The following MALRD1 variants were observed in gnomAD, a reference collection of about 807,000 sequenced individuals.
The protein encoded by MALRD1 is MAM and LDL receptor class A domain containing 1, also known as MAM and LDL-receptor class A domain-containing protein 1.
MALRD1 carries 247 observed loss-of-function variants against 242.1 expected under a neutral mutation model. The ratio of observed to expected loss-of-function variants is 1.02; its 90% confidence interval spans 0.92 to 1.13. The LOEUF (loss-of-function observed/expected upper bound fraction) is 1.13. Among genes scored for constraint, MALRD1 ranks in the 50% most tolerant of loss-of-function variants. MALRD1 has a pLI of 0.00. For missense variants in MALRD1, 2,989 were observed against 2,533.1 expected (o/e 1.18, Z -3.86); for synonymous variants, 995 against 866.6 (o/e 1.15, Z -2.60).
intron 28 of MALRD1, among the ~76,000 whole-genome samples, chr10:19,395,328 G>A (rs1589016746): frequency 6.6e-6 from 1 of 152,248 alleles, no homozygotes; most frequent in Admixed American, 6.5e-5. Flanking sequence ...TACATTTTTA[G>A]GTAGACATGA....
In MALRD1 at chr10:19,595,242, G is replaced by T. The variant is rs1432674284; in HGVS notation, c.5729G>T (p.Cys1910Phe). The T allele has an allele frequency of 6.5e-7, 1 of 1,550,274 alleles. No individual in the cohort carries two copies. Among genetic ancestry groups the T allele is most frequent in the South Asian group, 1.2e-5 (1 of 84,042 alleles). ...PSPCEADQFS[C>F]IYTLQCVPLS... ...CCCTGTGAAGCTGATCAGTTTTCTT[G>T]TATCTACACACTCCAATGTGTCCCT... Residue 1910 changes from cysteine (C) to phenylalanine (F), a missense_variant, in exon 34 of 40, where the codon TGT (cysteine) becomes TTT (phenylalanine). Transcript: ENST00000454679.
chr10:19,351,696 T>A (rs1844383484), intron 25 of MALRD1, among the ~76,000 whole-genome samples: 1 of 152,230 alleles, frequency 6.6e-6, no homozygotes, highest in South Asian at 2.1e-4. Context: ...CCTTTGACAA[T>A]GGGCTCTAAG....
At chr10:19,729,721 CTTTTTTTTTTTTTT>C (rs35279728) in intron 38 of MALRD1, among the ~76,000 whole-genome samples, 4 of 40,696 alleles carry the variant, frequency 9.8e-5, no homozygotes, top group South Asian at 2.5e-3. Flanking sequence ...TCTATTAATT[CTTTTTTTTTTTTTT>C]TTTTTTTTTT....
chr10:19,185,239 A>G (rs1207770223), intron 14 of MALRD1, among the ~76,000 whole-genome samples: 1 of 152,232 alleles, frequency 6.6e-6, no homozygotes, highest in East Asian at 1.9e-4. Context: ...TAGGCAAGAA[A>G]GCCAAAATTT....
chr10:19,339,805 C>T (rs1345506416), intron 24 of MALRD1, among the ~76,000 whole-genome samples: 1 of 152,046 alleles, frequency 6.6e-6, no homozygotes. Flanking sequence ...TTCATTCTCA[C>T]GCTGCTATAA....
At chr10:19,278,487 ATCCATCCATCCATCTG>A (rs1840645956) in intron 19 of MALRD1, among the ~76,000 whole-genome samples, 1 of 151,544 alleles carries the variant, frequency 6.6e-6, no homozygotes, top group Non-Finnish European at 1.5e-5. Flanking sequence ...CCATCCATCT[ATCCATCCATCCATCTG>A]TCCATCTATC....
chr10:19,384,605 G>C (rs1244917663), intron 26 of MALRD1, among the ~76,000 whole-genome samples: 1 of 120,692 alleles, frequency 8.3e-6, no homozygotes, highest in Non-Finnish European at 1.6e-5. Context: ...ATAATATATA[G>C]TATATATAAT....
chr10:19,291,767 C>G (rs950030236), intron 21 of MALRD1, among the ~76,000 whole-genome samples: 4 of 151,112 alleles, frequency 2.6e-5, no homozygotes, highest in Non-Finnish European at 4.4e-5. Flanking sequence ...AGAAAAATTG[C>G]TCTAAGGTCC....
intron 19 of MALRD1, among the ~76,000 whole-genome samples, chr10:19,262,172 C>A (rs763852469): frequency 7.9e-5 from 12 of 151,906 alleles, no homozygotes; most frequent in Non-Finnish European, 1.5e-4. Flanking sequence ...TGTTTCAATA[C>A]TTTTATAATA....
At position 19,633,771 on chromosome 10, in the gene MALRD1, G is replaced by A. The variant is rs936003282; in HGVS notation, c.6137+17848G>A. ...GCTTAGCTTTGACAAGACCAGATGA[G>A]ATCAGACATTCAAACACATTCAGGA... On this transcript the variant is annotated intron_variant, in intron 36 of 39. Coordinates refer to ENST00000454679, the MANE Select transcript of MALRD1 (RefSeq NM_001142308.3). 7 of 151,398 alleles carry A rather than the reference G, an allele frequency of 4.6e-5. 1 individual carries two copies. The highest frequency in any genetic ancestry group is 4.6e-4 in the Admixed American group (7 of 15,192). The allele number at this position is 151,398 out of a possible 1,614,324, so 9.4% of individuals were successfully genotyped here. A position where few individuals can be genotyped will look rare whatever the true frequency, so the allele number is the denominator to read the frequency against.
intron 29 of MALRD1, among the ~76,000 whole-genome samples, chr10:19,468,653 C>T (rs1481116587): frequency 1.3e-5 from 2 of 151,830 alleles, no homozygotes; most frequent in Non-Finnish European, 2.9e-5. Flanking sequence ...ATATCTGAAA[C>T]AGACTGTAAG....
At chr10:19,329,906 T>C (rs1461619458) in intron 23 of MALRD1, among the ~76,000 whole-genome samples, 4 of 152,192 alleles carry the variant, frequency 2.6e-5, no homozygotes, top group Non-Finnish European at 4.4e-5. Flanking sequence ...TATCTGAGAT[T>C]GTACCTATAT....
intron 33 of MALRD1, among the ~76,000 whole-genome samples, chr10:19,588,654 G>T (rs1172262338): frequency 2.0e-5 from 3 of 152,072 alleles, no homozygotes; most frequent in African/African-American, 7.2e-5. Context: ...ATTTACTCAT[G>T]TATGTAGAGA....
chr10:19,135,400 C>A (rs149081269), intron 9 of MALRD1, among the ~76,000 whole-genome samples: 2,437 of 152,256 alleles, frequency 0.016, 67 homozygotes, highest in African/African-American at 0.056. Context: ...AGTGATCCAC[C>A]TCCTTGGCCT....
chr10:19,330,321 A>G (rs1157912473), intron 23 of MALRD1, among the ~76,000 whole-genome samples: 1 of 151,956 alleles, frequency 6.6e-6, no homozygotes, highest in Non-Finnish European at 1.5e-5. Flanking sequence ...TTCACACAAT[A>G]GTATAAAGAC....
intron 28 of MALRD1, among the ~76,000 whole-genome samples, chr10:19,434,537 C>T (rs1834272619): frequency 6.6e-6 from 1 of 151,778 alleles, no homozygotes; most frequent in East Asian, 1.9e-4. Flanking sequence ...TTCTATTACT[C>T]AATTTTTTCC....
At chr10:19,138,809 G>A (rs761324479) in intron 10 of MALRD1, among the ~76,000 whole-genome samples, 3 of 151,998 alleles carry the variant, frequency 2.0e-5, no homozygotes, top group Non-Finnish European at 4.4e-5. Flanking sequence ...AAATTGTTTA[G>A]CATTTGATTT....
At chr10:19,163,940 G>C (rs72790787) in intron 12 of MALRD1, among the ~76,000 whole-genome samples, 1 of 152,116 alleles carries the variant, frequency 6.6e-6, no homozygotes, top group African/African-American at 2.4e-5. Flanking sequence ...TGACAGCTCA[G>C]AATTCTGATG....
intron 38 of MALRD1, among the ~76,000 whole-genome samples, chr10:19,719,244 A>ACATACATACATATATATATGTG: frequency 1.0e-5 from 1 of 96,936 alleles, no homozygotes; most frequent in African/African-American, 4.4e-5. Context: ...ATATATATAT[A>ACATACATACATATATATATGTG]TATATATATA....
Sources: allele counts gnomAD v4.1 joint callset (sites outside exome capture counted in the v4.1 genomes callset), GRCh38; gene constraint gnomAD v4.1.1; transcripts MANE v1.5; gene names NCBI Gene and HGNC (gene_info 2026-07-23, HGNC 2026-07-21).